Variants in THSD7A observed in about 807,000 individuals in gnomAD.
The protein encoded by THSD7A is thrombospondin type-1 domain-containing protein 7A.
Under a neutral mutation model 231.3 loss-of-function variants are expected in THSD7A, and 96 were observed. That is an observed-to-expected ratio of 0.41 (90% CI 0.35 to 0.49). THSD7A has a LOEUF of 0.49. THSD7A is among the 20% of genes least tolerant of loss of function. The pLI is 0.05. For missense variants in THSD7A, 2,290 were observed against 2,070.2 expected (o/e 1.11, Z -2.06); for synonymous variants, 940 against 743.3 (o/e 1.26, Z -4.30).
intron 1 of THSD7A, among the ~76,000 whole-genome samples, chr7:11,757,685 G>A (rs1162371893): frequency 1.3e-5 from 2 of 151,912 alleles, no homozygotes; most frequent in Non-Finnish European, 2.9e-5. Context: ...CAGATTATAA[G>A]TTCTGTTTTT....
chr7:11,507,657 T>C (rs6955846), intron 6 of THSD7A, among the ~76,000 whole-genome samples: 113,326 of 150,644 alleles, frequency 0.75, 43,381 homozygotes, highest in African/African-American at 0.9. Flanking sequence ...TAGATAATAC[T>C]GCTAATAATA....
chr7:11,551,687 A>G (rs1261041320), intron 4 of THSD7A, among the ~76,000 whole-genome samples: 3 of 152,136 alleles, frequency 2.0e-5, no homozygotes, highest in Non-Finnish European at 4.4e-5. Flanking sequence ...TTAAAAAGTC[A>G]AAAAATAACA....
Position 11,411,473 on chromosome 7 carries a change from C to G in THSD7A, c.3683-151G>C, listed in dbSNP as rs1309284666. On this transcript the variant is annotated intron_variant, in intron 18 of 27. Transcript: ENST00000423059. The surrounding 1 kb of genome is among the most constrained non-coding windows in gnomAD (Gnocchi z 4.1). ...CCCATGCAGAGCATATGGGTCCCAG[C>G]TTTGAACGTATCAGGAGTCAAATGG... 1.3e-5 allele frequency among the ~76,000 whole-genome samples: 2 copies of G among 152,144 alleles called. No individual in the cohort carries two copies. The highest frequency in any genetic ancestry group is 2.9e-5 in the Non-Finnish European group (2 of 68,030).
chr7:11,457,647 CA>C (rs1483913581), intron 11 of THSD7A, among the ~76,000 whole-genome samples: 12 of 152,186 alleles, frequency 7.9e-5, no homozygotes, highest in African/African-American at 1.9e-4. Context: ...ACTTATCGAA[CA>C]AGGTCTAAAA....
intron 1 of THSD7A, among the ~76,000 whole-genome samples, chr7:11,769,153 A>ATATATATTTTTT: frequency 3.6e-5 from 1 of 27,662 alleles, no homozygotes; most frequent in Admixed American, 6.0e-4. Context: ...ATATATATAT[A>ATATATATTTTTT]TTTTTTTTTT....
chr7:11,740,771 G>A (rs1782086240), intron 1 of THSD7A, among the ~76,000 whole-genome samples: 1 of 151,860 alleles, frequency 6.6e-6, no homozygotes, highest in Admixed American at 6.6e-5. Flanking sequence ...AAAGTATATT[G>A]TGTGTGCATT....
At position 11,412,689 on chromosome 7, in the gene THSD7A, T is replaced by G; in HGVS notation, c.3649A>C (p.Lys1217Gln). 1.2e-6 allele frequency: 2 copies of G among 1,613,840 alleles called. No individual in the cohort carries two copies. The highest frequency in any genetic ancestry group is 1.7e-6 in the Non-Finnish European group (2 of 1,179,818). ...AVEKEPCNLNKNCYHYDYNVT... is the reference protein window; with the variant it reads ...AVEKEPCNLNQNCYHYDYNVT... ...TTATAATCATAGTGGTAGCAGTTTT[T>G]GTTCAGGTTACAGGGTTCTTTCTCA... is the stretch of plus-strand genomic sequence containing the variant. The change falls in exon 18 of 28, where the codon AAA becomes CAA. Residue 1217 changes from lysine to glutamine, a missense_variant. Lys to Gln is a moderately conservative substitution (Grantham distance 53). Coordinates refer to ENST00000423059, the MANE Select transcript of THSD7A (RefSeq NM_015204.3).
chr7:11,541,141 G>A (rs1026053625), intron 6 of THSD7A, among the ~76,000 whole-genome samples: 4 of 151,960 alleles, frequency 2.6e-5, no homozygotes, highest in Non-Finnish European at 4.4e-5. Flanking sequence ...GGCAATTATT[G>A]CCCTAATGAT....
At chr7:11,468,549 AAAAAT>A (rs1233855901) in intron 9 of THSD7A, among the ~76,000 whole-genome samples, 11 of 152,168 alleles carry the variant, frequency 7.2e-5, no homozygotes, top group Admixed American at 6.6e-4. Context: ...ACTCCTAAAT[AAAAAT>A]ATTTTGCAGT....
intron 4 of THSD7A, among the ~76,000 whole-genome samples, chr7:11,549,781 T>TG (rs375107273): frequency 7.4e-6 from 1 of 134,530 alleles, no homozygotes; most frequent in Non-Finnish European, 1.6e-5. Flanking sequence ...GGAGTGTGGT[T>TG]GGGGGGAGCA....
At chr7:11,608,221 T>A (rs1780801094) in intron 2 of THSD7A, among the ~76,000 whole-genome samples, 1 of 152,184 alleles carries the variant, frequency 6.6e-6, no homozygotes, top group Non-Finnish European at 1.5e-5. Context: ...ATTTTCCTAA[T>A]TTGTTTCATC....
chr7:11,382,564 G>A lies in THSD7A; in HGVS notation c.4464C>T (p.Ser1488=), dbSNP rs1782560438. ...KWMASAWKGS[S]RTVWCQRSDG... ...CTGACCTTTGACACCACACTGTTCGGGAAGAGCCCTTCCAAGCACTGGCCA... is the reference window on the plus strand; with the variant it reads ...CTGACCTTTGACACCACACTGTTCGAGAAGAGCCCTTCCAAGCACTGGCCA... Residue 1488 remains serine (S), a synonymous_variant, in exon 24 of 28, where the codon TCC becomes TCT. Coordinates refer to ENST00000423059, the MANE Select transcript of THSD7A (RefSeq NM_015204.3). 1.9e-6 allele frequency: 3 copies of A among 1,612,892 alleles called. No individual in the cohort carries two copies. Among genetic ancestry groups the A allele is most frequent in the African/African-American group, 1.3e-5 (1 of 74,992 alleles).
intron 8 of THSD7A, 43 bp from the exon 9 acceptor site, chr7:11,470,037 A>G (rs1026794050): frequency 1.6e-5 from 21 of 1,290,774 alleles, no homozygotes; most frequent in Non-Finnish European, 2.3e-5. Context: ...ATAGTAAAGC[A>G]GAAAATCAGA....
intron 6 of THSD7A, among the ~76,000 whole-genome samples, chr7:11,489,445 T>A (rs568385798): frequency 6.6e-6 from 1 of 152,190 alleles, no homozygotes; most frequent in Admixed American, 6.6e-5. Flanking sequence ...TGTATGTAAA[T>A]CTTCTCCCAG....
At chr7:11,615,186 A>C (rs963673728) in intron 2 of THSD7A, among the ~76,000 whole-genome samples, 21 of 152,186 alleles carry the variant, frequency 1.4e-4, no homozygotes, top group African/African-American at 4.8e-4. Flanking sequence ...AACTGCGTGC[A>C]TCTTGGAAGG....
chr7:11,708,740 T>C (rs1780851397), intron 1 of THSD7A, among the ~76,000 whole-genome samples: 1 of 150,860 alleles, frequency 6.6e-6, no homozygotes, highest in Non-Finnish European at 1.5e-5. Flanking sequence ...CTATGTCTCA[T>C]TTCTTGTATT....
chr7:11,415,176 A>C (rs367922455), intron 17 of THSD7A, among the ~76,000 whole-genome samples: 1 of 152,238 alleles, frequency 6.6e-6, no homozygotes, highest in East Asian at 1.9e-4. Flanking sequence ...AATGTAAAGG[A>C]AAGTTTTTAA....
intron 2 of THSD7A, among the ~76,000 whole-genome samples, chr7:11,598,436 C>T (rs1020386484): frequency 1.3e-5 from 2 of 152,158 alleles, no homozygotes; most frequent in African/African-American, 2.4e-5. Flanking sequence ...CCCCTGTCAT[C>T]GCCCAGTGGG....
rs1782804101 is a variant in THSD7A, at chr7:11,387,638, A to G, written c.4412-5022T>C. Among the ~76,000 whole-genome samples the G allele has an allele frequency of 2.6e-5, 4 of 152,198 alleles. No individual in the cohort carries two copies. In the South Asian group the frequency reaches 8.3e-4, roughly 32 times the overall value. On this transcript the variant is annotated intron_variant, in intron 23 of 27. Coordinates refer to ENST00000423059, the MANE Select transcript of THSD7A (RefSeq NM_015204.3). Reference sequence around the variant, plus strand: ...TATGATGGGGTTTTCTAAATATACAATCATGTCATCTGCAAACAGAGACAA... The same window carrying G: ...TATGATGGGGTTTTCTAAATATACAGTCATGTCATCTGCAAACAGAGACAA...
Sources: gnomAD v4.1 joint callset for allele counts (sites outside exome capture counted in the v4.1 genomes callset) on GRCh38, gnomAD v4.1.1 for gene constraint, Gnocchi (gnomAD v3.1) non-coding constraint, MANE v1.5 for transcripts, NCBI Gene and HGNC (gene_info 2026-07-23, HGNC 2026-07-21) for gene names.